Variants in NAALADL2 observed in about 807,000 individuals in gnomAD.
The protein encoded by NAALADL2 is N-acetylated alpha-linked acidic dipeptidase like 2.
Under a neutral mutation model 87.2 loss-of-function variants are expected in NAALADL2, and 76 were observed. The ratio of observed to expected loss-of-function variants is 0.87; its 90% CI spans 0.72 to 1.05. The LOEUF is 1.05. NAALADL2 is among the 50% of genes least tolerant of loss of function. The pLI is 0.00. For synonymous variants in NAALADL2, 354 were observed against 331.0 expected (o/e 1.07, Z -0.75); for missense variants, 1,089 against 945.8 (o/e 1.15, Z -1.99).
chr3:175,463,812 A>C (rs1358800929), intron 7 of NAALADL2, among the ~76,000 whole-genome samples: 1 of 152,050 alleles, frequency 6.6e-6, no homozygotes, highest in Admixed American at 6.6e-5. Flanking sequence ...TAAAAAAGCC[A>C]AAGTTTTCTT....
chr3:174,565,257 T>C (rs1191987412), intron 2 of NAALADL2, among the ~76,000 whole-genome samples: 1 of 152,158 alleles, frequency 6.6e-6, no homozygotes, highest in Non-Finnish European at 1.5e-5. Flanking sequence ...TATAATGACA[T>C]GTAGCCACCA....
intron 10 of NAALADL2, among the ~76,000 whole-genome samples, chr3:175,614,597 A>T (rs764111381): frequency 6.6e-6 from 1 of 152,190 alleles, no homozygotes; most frequent in African/African-American, 2.4e-5. Flanking sequence ...TGTAGCTATT[A>T]TATCTATAGA....
chr3:174,689,604 C>T (rs1441117920), intron 2 of NAALADL2, among the ~76,000 whole-genome samples: 1 of 151,932 alleles, frequency 6.6e-6, no homozygotes, highest in Non-Finnish European at 1.5e-5. Context: ...TAGTTCTCCT[C>T]TATATTATAG....
At chr3:174,847,461 A>G (rs956939452) in intron 3 of NAALADL2, among the ~76,000 whole-genome samples, 2 of 152,148 alleles carry the variant, frequency 1.3e-5, no homozygotes, top group Non-Finnish European at 2.9e-5. Flanking sequence ...ATAATCAAGA[A>G]ATAAACTTTT....
intron 2 of NAALADL2, among the ~76,000 whole-genome samples, chr3:174,622,260 C>T (rs1229546910): frequency 6.6e-6 from 1 of 152,164 alleles, no homozygotes; most frequent in African/African-American, 2.4e-5. Context: ...GGATAGGCAA[C>T]TCATGGTCTC....
chr3:175,657,868 G>T (rs1009998214), intron 11 of NAALADL2, among the ~76,000 whole-genome samples: 4 of 151,928 alleles, frequency 2.6e-5, no homozygotes, highest in African/African-American at 9.7e-5. Flanking sequence ...GAGCCACCGT[G>T]CCTGGCCTCA....
chr3:175,023,523 T>C (rs1751833675), intron 1 of NAALADL2, among the ~76,000 whole-genome samples: 1 of 152,080 alleles, frequency 6.6e-6, no homozygotes, highest in African/African-American at 2.4e-5. Flanking sequence ...ACAGAATTTT[T>C]ATTCTCAAAA....
chr3:174,635,766 G>A (rs965342120), intron 2 of NAALADL2, among the ~76,000 whole-genome samples: 2 of 152,132 alleles, frequency 1.3e-5, no homozygotes, highest in Admixed American at 6.5e-5. Context: ...GCCTCCCAAA[G>A]TGCTGGGATT....
chr3:174,947,699 A>G (rs959528073), intron 1 of NAALADL2, among the ~76,000 whole-genome samples: 2 of 152,074 alleles, frequency 1.3e-5, no homozygotes, highest in Non-Finnish European at 2.9e-5. Context: ...GTTTTAAAAA[A>G]AAATCCACAT....
chr3:174,664,536 CT>C (rs1725791405), intron 2 of NAALADL2, among the ~76,000 whole-genome samples: 1 of 152,056 alleles, frequency 6.6e-6, no homozygotes, highest in Non-Finnish European at 1.5e-5. Context: ...ATATTTCATT[CT>C]TTGACATTGT....
chr3:175,391,113 C>A (rs1769013759), intron 5 of NAALADL2, among the ~76,000 whole-genome samples: 1 of 152,134 alleles, frequency 6.6e-6, no homozygotes, highest in Non-Finnish European at 1.5e-5. Flanking sequence ...ATTTTCCTCA[C>A]CAATGTAGAC....
At chr3:174,719,702 A>G (rs1321140377) in intron 2 of NAALADL2, among the ~76,000 whole-genome samples, 1 of 152,230 alleles carries the variant, frequency 6.6e-6, no homozygotes, top group Non-Finnish European at 1.5e-5. Context: ...ATCCTCTGGA[A>G]TTTGAGATGT....
intron 10 of NAALADL2, among the ~76,000 whole-genome samples, chr3:175,576,610 AG>A (rs1412969964): frequency 6.6e-6 from 1 of 152,214 alleles, no homozygotes; most frequent in Non-Finnish European, 1.5e-5. Context: ...GTTTGTCAAT[AG>A]TTTGCCTGCT....
chr3:175,744,379 T>C (rs1745643462), intron 12 of NAALADL2, among the ~76,000 whole-genome samples: 1 of 152,224 alleles, frequency 6.6e-6, no homozygotes, highest in Admixed American at 6.5e-5. Flanking sequence ...CTTTCTCTGG[T>C]TATTGGTTGT....
chr3:175,185,247 A>T (rs59468835), intron 2 of NAALADL2, among the ~76,000 whole-genome samples: 1 of 151,924 alleles, frequency 6.6e-6, no homozygotes, highest in Non-Finnish European at 1.5e-5. Flanking sequence ...CTATCTATAC[A>T]GCTGAAGATG....
chr3:174,855,782 A>G (rs1395029985), upstream of NAALADL2, among the ~76,000 whole-genome samples: 1 of 51,250 alleles, frequency 2.0e-5, no homozygotes, highest in Non-Finnish European at 4.3e-5. Flanking sequence ...AAATACACAC[A>G]CACACACACA....
chr3:175,093,590 G>C (rs911099349), intron 1 of NAALADL2, among the ~76,000 whole-genome samples: 1 of 148,668 alleles, frequency 6.7e-6, no homozygotes, highest in Non-Finnish European at 1.5e-5. Context: ...ACATGTATTT[G>C]ATATATAAAA....
At chr3:175,228,348 A>C (rs1744455847) in intron 2 of NAALADL2, among the ~76,000 whole-genome samples, 1 of 151,996 alleles carries the variant, frequency 6.6e-6, no homozygotes, top group Non-Finnish European at 1.5e-5. Context: ...AGTAGCAATC[A>C]ATATCTACAA....
At chr3:174,511,766 C>A (rs1719613189) in intron 1 of NAALADL2, among the ~76,000 whole-genome samples, 2 of 151,434 alleles carry the variant, frequency 1.3e-5, no homozygotes, top group Non-Finnish European at 2.9e-5. Flanking sequence ...ATAAAATGGA[C>A]ATATTTTATG....
Sources: gnomAD v4.1 joint callset for allele counts (sites outside exome capture counted in the v4.1 genomes callset) on GRCh38, gnomAD v4.1.1 for gene constraint, MANE v1.5 for transcripts, NCBI Gene and HGNC (gene_info 2026-07-23, HGNC 2026-07-21) for gene names.